The following ADCY1 variants were observed in gnomAD, a reference collection of about 807,000 sequenced individuals.
ADCY1 encodes adenylate cyclase type 1.
In ADCY1, 28 loss-of-function variants were observed where a neutral mutation model predicts 105.4. The observed-to-expected ratio is 0.27, with a 90% CI of 0.20 to 0.36. The LOEUF is 0.36. ADCY1 is among the 10% of genes least tolerant of loss of function. The pLI is 1.00. For synonymous variants in ADCY1, 655 were observed against 623.8 expected (o/e 1.05, Z -0.75); for missense variants, 977 against 1,434.2 (o/e 0.68, Z 5.15).
chr7:45,704,448 G>A, intron 16 of ADCY1, 70 bp from the exon 17 acceptor site: 1 of 1,383,322 alleles, frequency 7.2e-7, no homozygotes, highest in Non-Finnish European at 1.0e-6. Context: ...GTTGCTCCTG[G>A]GGGCTGACGG....
rs2115682876 is a variant in ADCY1 at position 45,575,677 on chromosome 7, G to A, written c.639+495G>A. 6.6e-6 allele frequency among the ~76,000 whole-genome samples: 1 copy of A among 152,400 alleles called. No individual in the cohort carries two copies. Among genetic ancestry groups the A allele is most frequent in the East Asian group, 1.9e-4 (1 of 5,174 alleles). On this transcript the variant is annotated intron_variant, in intron 1 of 19. Transcript: ENST00000297323. The surrounding 1 kb of genome is among the most constrained non-coding windows in gnomAD (Gnocchi z 4.7). ...CTGCGGACCCGAGGGTGGTATATGGGTGGTGGGAAAGGACTTCGGCTCTTC... is the reference window on the plus strand; with the variant it reads ...CTGCGGACCCGAGGGTGGTATATGGATGGTGGGAAAGGACTTCGGCTCTTC...
In ADCY1 at chr7:45,703,376, G is replaced by A; in HGVS notation, c.2455G>A (p.Ala819Thr). Reference sequence around the variant, plus strand: ...CTAATGGAGGCTCATGATACCCCAGGCAGAGGAGGAGCGAGAGGACATGGA... The same window carrying A: ...CTAATGGAGGCTCATGATACCCCAGACAGAGGAGGAGCGAGAGGACATGGA... ...LRLDYLWAAQ[A>T]EEEREDMEKV... Residue 819 changes from alanine to threonine, a missense_variant and splice_region_variant, in exon 15 of 20, where the codon GCA becomes ACA. Physicochemically the swap from Ala to Thr is moderately conservative, Grantham distance 58 (BLOSUM62 0). Around this residue, in one of 7 missense-constraint regions of ADCY1, gnomAD observed 152 missense variants for 293.7 expected, o/e 0.52. Transcript: ENST00000297323. The surrounding 1 kb of genome is among the most constrained non-coding windows in gnomAD (Gnocchi z 5.9). The A allele has an allele frequency of 6.2e-7, 1 of 1,613,934 alleles. No homozygotes were observed. Among genetic ancestry groups the A allele is most frequent in the Non-Finnish European group, 8.5e-7 (1 of 1,179,894 alleles).
At chr7:45,626,507 C>T (rs1414438794) in intron 4 of ADCY1, among the ~76,000 whole-genome samples, 2 of 152,152 alleles carry the variant, frequency 1.3e-5, no homozygotes, top group African/African-American at 4.8e-5. Context: ...GTTAGGATAT[C>T]ATTACAGCTG....
chr7:45,705,749 A>G (rs182705073), intron 17 of ADCY1, among the ~76,000 whole-genome samples: 1 of 152,354 alleles, frequency 6.6e-6, no homozygotes, highest in Non-Finnish European at 1.5e-5. Flanking sequence ...ATACAGACTG[A>G]GAAGGAATCT....
chr7:45,696,539 C>G (rs1029383447), intron 14 of ADCY1, among the ~76,000 whole-genome samples: 1 of 151,974 alleles, frequency 6.6e-6, no homozygotes, highest in African/African-American at 2.4e-5. Flanking sequence ...CAGTTAGTGT[C>G]CATGTGGAGT....
rs1189136202 is a variant in ADCY1 at position 45,574,928 on chromosome 7, T to C, written c.385T>C (p.Phe129Leu). The change falls in exon 1 of 20, where the codon TTC (phenylalanine) becomes CTC (leucine). Residue 129 changes from phenylalanine to leucine, a missense_variant. Physicochemically the swap from Phe to Leu is conservative, Grantham distance 22 (BLOSUM62 0). Around this residue, in one of 7 missense-constraint regions of ADCY1, gnomAD observed 209 missense variants for 222.5 expected, o/e 0.94. Coordinates refer to ENST00000297323, the MANE Select transcript of ADCY1 (RefSeq NM_021116.4). The surrounding 1 kb of genome is among the most constrained non-coding windows in gnomAD (Gnocchi z 7.0). ...GCAGGTCGGCCAGCTGGCGCTGCTC[T>C]TCAGCCTCACCTTCGCGCTGCTCTG... ...LQQVGQLALL[F>L]SLTFALLCCP... The C allele has an allele frequency of 6.2e-7, 1 of 1,612,024 alleles. No homozygotes were observed.
chr7:45,708,065 G>C lies in ADCY1; in HGVS notation c.2818-285G>C, dbSNP rs1377026323. On this transcript the variant is annotated intron_variant, in intron 17 of 19. Coordinates refer to ENST00000297323, the MANE Select transcript of ADCY1 (RefSeq NM_021116.4). The surrounding 1 kb of genome is among the most constrained non-coding windows in gnomAD (Gnocchi z 4.7). Reference sequence around the variant, plus strand: ...GCCATTAGCAACGCTGTCCAAGCAGGAGTTTGAGCACCTGGTCTCCCACTC... The same window carrying C: ...GCCATTAGCAACGCTGTCCAAGCAGCAGTTTGAGCACCTGGTCTCCCACTC... Among the ~76,000 whole-genome samples the C allele has an allele frequency of 6.6e-6, 1 of 152,190 alleles. No homozygotes were observed. The highest frequency in any genetic ancestry group is 1.5e-5 in the Non-Finnish European group (1 of 68,038).
intron 4 of ADCY1, among the ~76,000 whole-genome samples, chr7:45,633,738 G>C (rs1023124664): frequency 6.7e-6 from 1 of 149,402 alleles, no homozygotes; most frequent in East Asian, 2.0e-4. Flanking sequence ...GGAGGCAGAG[G>C]TTGCAGTGAG....
At chr7:45,626,990 G>A (rs112361613) in intron 4 of ADCY1, among the ~76,000 whole-genome samples, 60 of 152,304 alleles carry the variant, frequency 3.9e-4, no homozygotes, top group African/African-American at 1.4e-3. Context: ...AGGCACAAGG[G>A]GCTGGACCTG....
chr7:45,674,474 G>A (rs969127233), intron 8 of ADCY1, among the ~76,000 whole-genome samples: 1 of 151,940 alleles, frequency 6.6e-6, no homozygotes, highest in Non-Finnish European at 1.5e-5. Context: ...TCCTGGGTTC[G>A]AGCAATTCTC....
At chr7:45,620,574 C>G (rs912043665) in intron 3 of ADCY1, among the ~76,000 whole-genome samples, 1 of 152,078 alleles carries the variant, frequency 6.6e-6, no homozygotes, top group African/African-American at 2.4e-5. Flanking sequence ...ACCTACACAT[C>G]CAAGAAGCTG....
intron 4 of ADCY1, among the ~76,000 whole-genome samples, chr7:45,635,653 A>T (rs539885227): frequency 3.1e-5 from 3 of 96,844 alleles, no homozygotes; most frequent in African/African-American, 1.3e-4. Context: ...TTATTTAGAG[A>T]TGTGATTCAG....
chr7:45,702,173 C>T (rs138494395), intron 14 of ADCY1, among the ~76,000 whole-genome samples: 9 of 152,328 alleles, frequency 5.9e-5, no homozygotes, highest in Non-Finnish European at 1.2e-4. Context: ...GCGGCATATT[C>T]GTGGCCAGCT....
At chr7:45,592,630 C>T in intron 1 of ADCY1, 129 bp from the exon 2 acceptor site, 1 of 1,291,502 alleles carries the variant, frequency 7.7e-7, no homozygotes, top group East Asian at 2.3e-5. Flanking sequence ...GTCCCTGGCC[C>T]TGCGCTGTGG....
intron 3 of ADCY1, among the ~76,000 whole-genome samples, chr7:45,621,575 TGC>T (rs1475359900): frequency 1.3e-5 from 2 of 152,206 alleles, no homozygotes; most frequent in African/African-American, 4.8e-5. Context: ...ATGGCGGACA[TGC>T]GGAACGGTTG....
intron 11 of ADCY1, among the ~76,000 whole-genome samples, chr7:45,681,176 A>C (rs1016142545): frequency 6.6e-6 from 1 of 152,270 alleles, no homozygotes; most frequent in African/African-American, 2.4e-5. Context: ...TCTAAAAAAC[A>C]CATGATCTGT....
chr7:45,616,159 C>A (rs536461015), intron 3 of ADCY1, among the ~76,000 whole-genome samples: 1 of 152,222 alleles, frequency 6.6e-6, no homozygotes, highest in African/African-American at 2.4e-5. Flanking sequence ...TTGAACAGAC[C>A]TATATATAGT....
At chr7:45,638,335 A>G (rs1024577556) in intron 4 of ADCY1, among the ~76,000 whole-genome samples, 3 of 152,120 alleles carry the variant, frequency 2.0e-5, no homozygotes, top group Admixed American at 1.3e-4. Flanking sequence ...TTTCTTCTGC[A>G]GTGTATGTCA....
intron 8 of ADCY1, among the ~76,000 whole-genome samples, chr7:45,670,401 G>A (rs1179298003): frequency 1.3e-5 from 2 of 152,244 alleles, no homozygotes; most frequent in East Asian, 1.9e-4. Context: ...GGCAGAGGAT[G>A]CTGGGTGGTG....
Sources: allele counts gnomAD v4.1 joint callset (sites outside exome capture counted in the v4.1 genomes callset), GRCh38; gene constraint gnomAD v4.1.1; regional missense constraint gnomAD v4.1.1; non-coding constraint Gnocchi (gnomAD v3.1); transcripts MANE v1.5; gene names NCBI Gene and HGNC (gene_info 2026-07-23, HGNC 2026-07-21).